Variants in GNA12 observed in about 807,000 individuals in gnomAD.
GNA12 encodes guanine nucleotide-binding protein subunit alpha-12.
In GNA12, 9 loss-of-function variants were observed where a neutral mutation model predicts 26.0. That is an observed-to-expected ratio of 0.35 (90% CI 0.21 to 0.60). The LOEUF is 0.60. Among genes scored for constraint, GNA12 ranks in the 20% least tolerant of loss-of-function variants. The pLI is 0.78. For synonymous variants in GNA12, 264 were observed against 219.6 expected, an observed-to-expected ratio of 1.20 and a Z score of -1.79; for missense variants, 405 against 525.8, an observed-to-expected ratio of 0.77 and a Z score of 2.25.
intron 2 of GNA12, among the ~76,000 whole-genome samples, chr7:2,736,611 A>G (rs1269997143): frequency 1.3e-5 from 2 of 152,168 alleles, no homozygotes; most frequent in Non-Finnish European, 2.9e-5. Context: ...GGCAGATGTG[A>G]TGTCGTGACA....
chr7:2,737,109 G>T (rs756576133), intron 2 of GNA12, among the ~76,000 whole-genome samples: 5 of 152,026 alleles, frequency 3.3e-5, no homozygotes, highest in Non-Finnish European at 5.9e-5. Context: ...GAGAGGAAAA[G>T]GTAACCGTGG....
chr7:2,759,181 AAAT>A (rs1392830525), intron 2 of GNA12, among the ~76,000 whole-genome samples: 5 of 147,686 alleles, frequency 3.4e-5, no homozygotes, highest in South Asian at 2.1e-4. Flanking sequence ...ATAAATAAAT[AAAT>A]AAATAAAATA....
intron 1 of GNA12, among the ~76,000 whole-genome samples, chr7:2,839,165 C>A (rs1393111102): frequency 6.6e-6 from 1 of 152,224 alleles, no homozygotes; most frequent in Admixed American, 6.5e-5. Flanking sequence ...AGAAGTGAAA[C>A]CATACACAGT....
intron 2 of GNA12, among the ~76,000 whole-genome samples, chr7:2,769,292 T>C (rs889187934): frequency 6.6e-6 from 1 of 152,230 alleles, no homozygotes; most frequent in Admixed American, 6.5e-5. Context: ...GGTATTTACG[T>C]AGTTTTAATT....
intron 2 of GNA12, among the ~76,000 whole-genome samples, chr7:2,776,640 G>C (rs111970699): frequency 0.032 from 4,821 of 152,276 alleles, 218 homozygotes; most frequent in African/African-American, 0.092. Context: ...GAGCAGGCTG[G>C]CATAAGGATT....
At chr7:2,794,286 G>C (rs1320566012) in intron 2 of GNA12, among the ~76,000 whole-genome samples, 4 of 152,128 alleles carry the variant, frequency 2.6e-5, no homozygotes, top group Non-Finnish European at 4.4e-5. Context: ...GATACCCTGG[G>C]TGTGTATTAA....
At chr7:2,756,706 T>C (rs1409072535) in intron 2 of GNA12, among the ~76,000 whole-genome samples, 2 of 152,228 alleles carry the variant, frequency 1.3e-5, no homozygotes, top group Non-Finnish European at 1.5e-5. Context: ...TGAGCCTCGA[T>C]GACAGACGCC....
chr7:2,777,038 A>T (rs1450941003), intron 2 of GNA12, among the ~76,000 whole-genome samples: 1 of 152,176 alleles, frequency 6.6e-6, no homozygotes, highest in Non-Finnish European at 1.5e-5. Context: ...ACTGGGGTTC[A>T]CGGTGACTGC....
At chr7:2,750,065 G>A (rs1790954515) in intron 2 of GNA12, among the ~76,000 whole-genome samples, 1 of 152,164 alleles carries the variant, frequency 6.6e-6, no homozygotes, top group Non-Finnish European at 1.5e-5. Context: ...TTCCAAATAT[G>A]ATAAGTATGA....
At position 2,763,188 on chromosome 7, in the gene GNA12, CCCAACACACA is replaced by C. The variant is rs1791651308; in HGVS notation, c.526-29697_526-29688del. 3 of 386,592 alleles carry C rather than the reference CCCAACACACA, an allele frequency of 7.8e-6. No homozygotes were observed. In the African/African-American group the frequency reaches 1.2e-4, roughly 15 times the overall value. The allele number at this position is 386,592 out of a possible 1,614,324, so 23.9% of individuals were successfully genotyped here. On this transcript the variant is annotated intron_variant, in intron 2 of 3. Coordinates refer to ENST00000275364, the MANE Select transcript of GNA12 (RefSeq NM_007353.3). ...AGGTTAGCAGGACTTCACAAGACAC[CCCAACACACA>C]CACACACACACACACACACACACAC...
chr7:2,731,892 T>C lies in GNA12; in HGVS notation c.577-142A>G. On this transcript the variant is annotated intron_variant, in intron 3 of 3. Coordinates refer to ENST00000275364, the MANE Select transcript of GNA12 (RefSeq NM_007353.3). This position sits in a 1 kb window ranked among gnomAD's most constrained non-coding sequence, Gnocchi z 6.0. ...AACCAGAAACCAAAAGCAAATTTCA[T>C]TTATAACATTATCAACTGGCCGTGA... The C allele has an allele frequency of 3.8e-6, 2 of 524,146 alleles. No homozygotes were observed. The highest frequency in any genetic ancestry group is 3.4e-6 in the Non-Finnish European group (1 of 298,420). 32.5% of individuals were successfully genotyped at this position (524,146 alleles called of 1,614,324 possible).
rs867958800 is a variant in GNA12, at chr7:2,771,059, G to C, written c.525+23869C>G. ...TAATCCCAGCACTTTGGGAGGCTGA[G>C]GTGGGTGGATCACTTGAAGTTAGGA... On this transcript the variant is annotated intron_variant, in intron 2 of 3. Transcript: ENST00000275364. Among the ~76,000 whole-genome samples the C allele has an allele frequency of 5.6e-4, 85 of 152,280 alleles. No individual in the cohort carries two copies. In the Middle Eastern group the frequency reaches 0.01, roughly 18 times the overall value.
chr7:2,736,313 G>A (rs566825024), intron 2 of GNA12, among the ~76,000 whole-genome samples: 3 of 152,224 alleles, frequency 2.0e-5, no homozygotes, highest in South Asian at 2.1e-4. Flanking sequence ...GTGGGCTCTC[G>A]GGACTCTCCT....
At chr7:2,774,891 G>A (rs959395911) in intron 2 of GNA12, among the ~76,000 whole-genome samples, 2 of 152,204 alleles carry the variant, frequency 1.3e-5, no homozygotes, top group African/African-American at 4.8e-5. Context: ...CATGCACAGT[G>A]GTTGGCACAG....
intron 2 of GNA12, chr7:2,762,403 C>A (rs1213958317): frequency 8.7e-6 from 4 of 461,444 alleles, no homozygotes; most frequent in Non-Finnish European, 1.5e-5. Context: ...ACTGAGGAAA[C>A]CAAAGCTTAG....
At chr7:2,754,895 A>G (rs1460147078) in intron 2 of GNA12, among the ~76,000 whole-genome samples, 4 of 152,212 alleles carry the variant, frequency 2.6e-5, no homozygotes, top group Non-Finnish European at 4.4e-5. Context: ...TTCTACTGTT[A>G]TCTTCTCTCA....
At chr7:2,843,791 G>T in intron 1 of GNA12, 62 bp downstream of exon 1, 1 of 918,160 alleles carries the variant, frequency 1.1e-6, no homozygotes, top group South Asian at 2.4e-5. Context: ...GGAGGGGCCC[G>T]GGGCGGGGGT....
chr7:2,813,830 C>T (rs989257138), intron 1 of GNA12, among the ~76,000 whole-genome samples: 21 of 152,144 alleles, frequency 1.4e-4, no homozygotes, highest in African/African-American at 5.1e-4. Flanking sequence ...CACAGGGTGC[C>T]TGATGCAACA....
At chr7:2,734,284 C>T (rs1790048119) in intron 2 of GNA12, among the ~76,000 whole-genome samples, 2 of 152,188 alleles carry the variant, frequency 1.3e-5, no homozygotes, top group African/African-American at 4.8e-5. Flanking sequence ...TGAACAGGCA[C>T]GCAATGAGTC....
Sources: allele counts gnomAD v4.1 joint callset (sites outside exome capture counted in the v4.1 genomes callset), GRCh38; gene constraint gnomAD v4.1.1; non-coding constraint Gnocchi (gnomAD v3.1); transcripts MANE v1.5; gene names NCBI Gene and HGNC (gene_info 2026-07-23, HGNC 2026-07-21).